The following RASA1 variants were observed in gnomAD, a reference collection of about 807,000 sequenced individuals.
RASA1 encodes ras GTPase-activating protein 1.
Under a neutral mutation model 132.2 loss-of-function variants are expected in RASA1, and 25 were observed. The ratio of observed to expected loss-of-function variants is 0.19; its 90% CI spans 0.14 to 0.26. The LOEUF is 0.26. Among genes scored for constraint, RASA1 ranks in the 10% least tolerant of loss-of-function variants. RASA1 has a pLI of 1.00. For missense variants in RASA1, 964 were observed against 1,299.2 expected (o/e 0.74, Z 3.97); for synonymous variants, 477 against 449.9 (o/e 1.06, Z -0.76).
intron 23 of RASA1, among the ~76,000 whole-genome samples, chr5:87,387,541 A>G (rs528675162): frequency 3.3e-5 from 5 of 152,326 alleles, no homozygotes; most frequent in African/African-American, 1.2e-4. Flanking sequence ...TTAGTAATTC[A>G]GTTCATATAC....
At chr5:87,328,936 T>C (rs1429575874) in intron 1 of RASA1, among the ~76,000 whole-genome samples, 1 of 151,300 alleles carries the variant, frequency 6.6e-6, no homozygotes, top group Non-Finnish European at 1.5e-5. Context: ...TCAAATCAAC[T>C]AAGTAAATAT....
chr5:87,370,039 A>G lies in RASA1; in HGVS notation c.1698+139A>G, dbSNP rs568905288. On this transcript the variant is annotated intron_variant, in intron 12 of 24. Coordinates refer to ENST00000274376, the MANE Select transcript of RASA1 (RefSeq NM_002890.3). Reference sequence around the variant, plus strand: ...TAATCATCTCTTATTTTAAGGAATGAGATTTCATATGTAAAAAGTTTTCTG... The same window carrying G: ...TAATCATCTCTTATTTTAAGGAATGGGATTTCATATGTAAAAAGTTTTCTG... 16 of 792,532 alleles carry G rather than the reference A, an allele frequency of 2.0e-5. No individual in the cohort carries two copies. The African/African-American group carries it at 2.6e-4, about 13-fold the overall frequency. The allele number at this position is 792,532 out of a possible 1,614,324, so 49.1% of individuals were successfully genotyped here.
intron 4 of RASA1, among the ~76,000 whole-genome samples, chr5:87,336,303 T>G (rs1026461704): frequency 6.6e-6 from 1 of 151,944 alleles, no homozygotes; most frequent in Non-Finnish European, 1.5e-5. Flanking sequence ...TCAGTAGATA[T>G]CCATATAAAT....
chr5:87,276,578 G>A (rs1754070306), intron 1 of RASA1, among the ~76,000 whole-genome samples: 1 of 152,088 alleles, frequency 6.6e-6, no homozygotes, highest in Admixed American at 6.5e-5. Context: ...TACTGGTAGG[G>A]AAATAAGATG....
chr5:87,336,686 C>T (rs1161176614), intron 4 of RASA1, among the ~76,000 whole-genome samples: 1 of 152,032 alleles, frequency 6.6e-6, no homozygotes, highest in East Asian at 1.9e-4. Flanking sequence ...CTTATGGCTA[C>T]TTTTAACTAA....
intron 1 of RASA1, among the ~76,000 whole-genome samples, chr5:87,311,734 G>A (rs563915987): frequency 6.6e-6 from 1 of 152,320 alleles, no homozygotes; most frequent in East Asian, 1.9e-4. Flanking sequence ...AAGGTCTAAA[G>A]TGCCCACGTC....
At chr5:87,384,033 CT>C (rs1433526074) in intron 21 of RASA1, among the ~76,000 whole-genome samples, 2 of 152,014 alleles carry the variant, frequency 1.3e-5, no homozygotes, top group African/African-American at 2.4e-5. Context: ...TTTTCTACCC[CT>C]ATTTGTGTCT....
chr5:87,303,843 T>G (rs1003034248), intron 1 of RASA1, among the ~76,000 whole-genome samples: 1 of 149,980 alleles, frequency 6.7e-6, no homozygotes, highest in Admixed American at 6.6e-5. Flanking sequence ...TCTTGTCTTT[T>G]TTTTTTTTTT....
intron 1 of RASA1, among the ~76,000 whole-genome samples, chr5:87,308,668 G>A (rs572241587): frequency 6.6e-6 from 1 of 152,242 alleles, no homozygotes; most frequent in South Asian, 2.1e-4. Flanking sequence ...TTACCTATGT[G>A]TAACATACAG....
intron 1 of RASA1, among the ~76,000 whole-genome samples, chr5:87,288,339 A>G (rs1172312209): frequency 1.3e-5 from 2 of 151,996 alleles, no homozygotes; most frequent in African/African-American, 4.8e-5. Context: ...TAATATGACA[A>G]AAAATAAAGA....
intron 1 of RASA1, among the ~76,000 whole-genome samples, chr5:87,313,062 T>C (rs1317857347): frequency 3.3e-5 from 5 of 152,196 alleles, no homozygotes; most frequent in African/African-American, 1.2e-4. Flanking sequence ...ACAGGCGTCT[T>C]ACAAATCATC....
At chr5:87,335,419 GTTTTTT>G (rs34986349) in intron 4 of RASA1, among the ~76,000 whole-genome samples, 6 of 72,920 alleles carry the variant, frequency 8.2e-5, no homozygotes, top group African/African-American at 3.3e-4. Context: ...AAAGAATGAG[GTTTTTT>G]TTTTTTTTTT....
intron 9 of RASA1, among the ~76,000 whole-genome samples, chr5:87,357,728 A>G (rs1399933715): frequency 6.6e-6 from 1 of 152,162 alleles, no homozygotes; most frequent in Non-Finnish European, 1.5e-5. Context: ...AACAAATAGT[A>G]TGTGGCATCT....
At chr5:87,363,596 A>G (rs573915396) in intron 11 of RASA1, 92 bp downstream of exon 11, 1 of 1,423,440 alleles carries the variant, frequency 7.0e-7, no homozygotes, top group Non-Finnish European at 9.8e-7. Context: ...CCCTAAAATC[A>G]TCTTCTAAAA....
chr5:87,369,464 T>G (rs776984395), intron 11 of RASA1, among the ~76,000 whole-genome samples: 11 of 152,160 alleles, frequency 7.2e-5, no homozygotes, highest in Non-Finnish European at 1.6e-4. Context: ...CTAAGAACAT[T>G]TCTAGTCTTT....
intron 1 of RASA1, among the ~76,000 whole-genome samples, chr5:87,314,108 G>A (rs989134300): frequency 1.3e-5 from 2 of 152,236 alleles, no homozygotes; most frequent in Non-Finnish European, 2.9e-5. Flanking sequence ...GGGACGTGGA[G>A]GTTGCGGTGA....
chr5:87,390,228 A>G (rs1762398830), intron 24 of RASA1, among the ~76,000 whole-genome samples: 1 of 152,228 alleles, frequency 6.6e-6, no homozygotes, highest in African/African-American at 2.4e-5. Context: ...CTCAGCTGAC[A>G]TAAGGGCTAC....
Position 87,303,250 on chromosome 5 carries a change from C to A in RASA1, c.540-28098C>A, listed in dbSNP as rs566064628. On this transcript the variant is annotated intron_variant, in intron 1 of 24. Coordinates refer to ENST00000274376, the MANE Select transcript of RASA1 (RefSeq NM_002890.3). Reference sequence around the variant, plus strand: ...CCTTTTTCATTTGTTCAGTCTTCTTCCAGTCTATCAATTTTGTTAATCTTT... The same window carrying A: ...CCTTTTTCATTTGTTCAGTCTTCTTACAGTCTATCAATTTTGTTAATCTTT... Among the ~76,000 whole-genome samples, 16 of 152,158 alleles carry A rather than the reference C, an allele frequency of 1.1e-4. No homozygotes were observed. The South Asian group carries it at 2.9e-3, about 28-fold the overall frequency.
intron 6 of RASA1, 31 bp from the exon 7 acceptor site, chr5:87,346,637 CTTTA>C (rs1195696330): frequency 4.3e-6 from 6 of 1,387,796 alleles, no homozygotes; most frequent in Non-Finnish European, 6.1e-6. Flanking sequence ...GCAAAAAGGA[CTTTA>C]TTTATATATC....
Sources: allele counts gnomAD v4.1 joint callset (sites outside exome capture counted in the v4.1 genomes callset), GRCh38; gene constraint gnomAD v4.1.1; transcripts MANE v1.5; gene names NCBI Gene and HGNC (gene_info 2026-07-23, HGNC 2026-07-21).